Variants in EFEMP1 observed in about 807,000 individuals in gnomAD.
EFEMP1 encodes EGF-containing fibulin-like extracellular matrix protein 1.
EFEMP1 carries 18 observed loss-of-function variants against 65.7 expected under a neutral mutation model. The observed-to-expected ratio is 0.27, with a 90% confidence interval of 0.19 to 0.41. The LOEUF (loss-of-function observed/expected upper bound fraction) is 0.41, where lower values mean the gene tolerates loss of function less well. Ranked by LOEUF, EFEMP1 falls within the 10% of genes least tolerant of loss-of-function variation. EFEMP1 has a pLI of 1.00. For missense variants in EFEMP1, 469 were observed against 624.8 expected, an observed-to-expected ratio of 0.75 and a Z score of 2.66; for synonymous variants, 237 against 219.7, an observed-to-expected ratio of 1.08 and a Z score of -0.70.
intron 5 of EFEMP1, among the ~76,000 whole-genome samples, chr2:55,890,329 T>TA (rs1216223898): frequency 2.0e-5 from 3 of 151,726 alleles, no homozygotes; most frequent in Middle Eastern, 7.0e-3. Context: ...TATAGACAAA[T>TA]AAAAAAATGA....
intron 5 of EFEMP1, among the ~76,000 whole-genome samples, chr2:55,903,825 A>G (rs1670135107): frequency 6.6e-6 from 1 of 152,132 alleles, no homozygotes; most frequent in Non-Finnish European, 1.5e-5. Context: ...ATGAGTGGAC[A>G]GTTGGTAATT....
intron 5 of EFEMP1, among the ~76,000 whole-genome samples, chr2:55,909,039 A>G (rs945968362): frequency 5.9e-5 from 9 of 152,176 alleles, no homozygotes; most frequent in African/African-American, 2.2e-4. Flanking sequence ...TAAGCTTAAA[A>G]CGGGGACAAG....
chr2:55,867,255 G>A lies in EFEMP1; in HGVS notation c.1321-21C>T. 1 of 1,611,530 alleles carries A rather than the reference G, an allele frequency of 6.2e-7. No individual in the cohort carries two copies. The highest frequency in any genetic ancestry group is 8.5e-7 in the Non-Finnish European group (1 of 1,178,700). On this transcript the variant is annotated intron_variant, in intron 11 of 11. Coordinates refer to ENST00000355426, the MANE Select transcript of EFEMP1 (RefSeq NM_001039348.3). The surrounding 1 kb of genome is among the most constrained non-coding windows in gnomAD (Gnocchi z 4.3). ...GTTTGCTAAAATAAAAGAAAATAGAGAAAGGAAGAGAATAATTTTCTTGGA... is the reference window on the plus strand; with the variant it reads ...GTTTGCTAAAATAAAAGAAAATAGAAAAAGGAAGAGAATAATTTTCTTGGA...
intron 8 of EFEMP1, among the ~76,000 whole-genome samples, chr2:55,875,834 G>T (rs1360928493): frequency 6.6e-6 from 1 of 151,924 alleles, no homozygotes; most frequent in African/African-American, 2.4e-5. Flanking sequence ...GAATAGTGAT[G>T]TCCCTACAGT....
At position 55,885,573 on chromosome 2, in the gene EFEMP1, A is replaced by G. The variant is rs1669393325; in HGVS notation, c.518-3839T>C. On this transcript the variant is annotated intron_variant, in intron 5 of 11. Transcript: ENST00000355426. This position sits in a 1 kb window ranked among gnomAD's most constrained non-coding sequence, Gnocchi z 4.3. Reference sequence around the variant, plus strand: ...AATACATTAACAATAGCTAATGGCAATATTTGGTGATTCCCTCATTTTTCA... The same window carrying G: ...AATACATTAACAATAGCTAATGGCAGTATTTGGTGATTCCCTCATTTTTCA... 6.6e-6 allele frequency among the ~76,000 whole-genome samples: 1 copy of G among 152,190 alleles called. No homozygotes were observed. Among genetic ancestry groups the G allele is most frequent in the East Asian group, 1.9e-4 (1 of 5,202 alleles).
intron 5 of EFEMP1, among the ~76,000 whole-genome samples, chr2:55,889,460 T>C (rs72924526): frequency 0.069 from 10,557 of 152,242 alleles, 797 homozygotes; most frequent in African/African-American, 0.18. Context: ...ATCTTACTTA[T>C]GATCTTTCTG....
At position 55,886,902 on chromosome 2, in the gene EFEMP1, G is replaced by A. The variant is rs980965404; in HGVS notation, c.518-5168C>T. On this transcript the variant is annotated intron_variant, in intron 5 of 11. Coordinates refer to ENST00000355426, the MANE Select transcript of EFEMP1 (RefSeq NM_001039348.3). This position sits in a 1 kb window ranked among gnomAD's most constrained non-coding sequence, Gnocchi z 4.0. The stretch of plus-strand genomic sequence containing the variant: ...TATTTGCTATTGATAATGATAACCT[G>A]AGTAATTAATATAATAAATTATGTA... 1.3e-5 allele frequency among the ~76,000 whole-genome samples: 2 copies of A among 151,942 alleles called. No homozygotes were observed. The highest frequency in any genetic ancestry group is 2.4e-5 in the African/African-American group (1 of 41,350).
At position 55,877,992 on chromosome 2, in the gene EFEMP1, A is replaced by T; in HGVS notation, c.641-127T>A. 1 of 1,181,862 alleles carries T rather than the reference A, an allele frequency of 8.5e-7. No individual in the cohort carries two copies. Among genetic ancestry groups the T allele is most frequent in the Non-Finnish European group, 1.2e-6 (1 of 840,374 alleles). The allele number at this position is 1,181,862 out of a possible 1,614,324, so 73.2% of individuals were successfully genotyped here. A position where few individuals can be genotyped will look rare whatever the true frequency, so the allele number is the denominator to read the frequency against. ...AAGTAATAATTTCCTATTTTGTTAA[A>T]ATTAGGGTATATGTATTTTAAATAT... On this transcript the variant is annotated intron_variant, in intron 6 of 11. Transcript: ENST00000355426. This position sits in a 1 kb window ranked among gnomAD's most constrained non-coding sequence, Gnocchi z 4.5.
At chr2:55,902,628 A>G (rs551021873) in intron 5 of EFEMP1, among the ~76,000 whole-genome samples, 2 of 152,348 alleles carry the variant, frequency 1.3e-5, no homozygotes, top group East Asian at 3.9e-4. Flanking sequence ...TAGCTTTTAA[A>G]GCTTCAGTGA....
At chr2:55,890,296 T>G (rs1298080082) in intron 5 of EFEMP1, among the ~76,000 whole-genome samples, 1 of 152,006 alleles carries the variant, frequency 6.6e-6, no homozygotes, top group Admixed American at 6.5e-5. Context: ...TAAATTTAAA[T>G]GCACTTAATC....
At chr2:55,888,586 C>A (rs1245953405) in intron 5 of EFEMP1, among the ~76,000 whole-genome samples, 3 of 152,090 alleles carry the variant, frequency 2.0e-5, no homozygotes, top group African/African-American at 7.2e-5. Flanking sequence ...ATTCACCCAC[C>A]TTGGCCTCCC....
intron 5 of EFEMP1, among the ~76,000 whole-genome samples, chr2:55,904,978 T>TC (rs767018548): frequency 2.8e-5 from 1 of 35,194 alleles, no homozygotes; most frequent in African/African-American, 2.3e-4. Flanking sequence ...TTTTTTTTTT[T>TC]CTTTTTCTTT....
At chr2:55,868,792 A>C (rs531829081) in intron 11 of EFEMP1, among the ~76,000 whole-genome samples, 1 of 152,232 alleles carries the variant, frequency 6.6e-6, no homozygotes, top group East Asian at 1.9e-4. Context: ...TTAATTCCTC[A>C]TGACACCTAG....
intron 5 of EFEMP1, among the ~76,000 whole-genome samples, chr2:55,889,824 T>A (rs1346063747): frequency 7.0e-6 from 1 of 142,358 alleles, no homozygotes; most frequent in African/African-American, 2.5e-5. Flanking sequence ...AAAGGAATGG[T>A]AAAAAAAAAA....
chr2:55,880,033 T>C (rs1204614758), intron 6 of EFEMP1, among the ~76,000 whole-genome samples: 1 of 152,100 alleles, frequency 6.6e-6, no homozygotes, highest in Non-Finnish European at 1.5e-5. Context: ...AGGGAATGTT[T>C]TTGTTGTGTA....
rs1669377423 is a variant in EFEMP1, at chr2:55,885,086, A to G, written c.518-3352T>C. Reference sequence around the variant, plus strand: ...ACAGCAAAATCAGTAAGATGTTAGTAAAAGAAAAATGATGTTGAGCAAGTG... The same window carrying G: ...ACAGCAAAATCAGTAAGATGTTAGTGAAAGAAAAATGATGTTGAGCAAGTG... On this transcript the variant is annotated intron_variant, in intron 5 of 11. Transcript: ENST00000355426. This position sits in a 1 kb window ranked among gnomAD's most constrained non-coding sequence, Gnocchi z 4.3. Among the ~76,000 whole-genome samples, 1 of 152,230 alleles carries G rather than the reference A, an allele frequency of 6.6e-6. No homozygotes were observed. Among genetic ancestry groups the G allele is most frequent in the Non-Finnish European group, 1.5e-5 (1 of 68,042 alleles).
rs1382211519 is a variant in EFEMP1 at position 55,867,079 on chromosome 2, T to C, written c.1476A>G (p.Ser492=). Residue 492 remains serine (S), a synonymous_variant, in exon 12 of 12, where the codon TCA becomes TCG. Coordinates refer to ENST00000355426, the MANE Select transcript of EFEMP1 (RefSeq NM_001039348.3). This position sits in a 1 kb window ranked among gnomAD's most constrained non-coding sequence, Gnocchi z 4.3. ...GGTTGACTCTTAGAAAAGACTAAAATGAAAATGGCCCCACTATTATTGTCA... is the reference window on the plus strand; with the variant it reads ...GGTTGACTCTTAGAAAAGACTAAAACGAAAATGGCCCCACTATTATTGTCA... ...LRLTIIVGPF[S]F The C allele has an allele frequency of 1.9e-6, 3 of 1,612,632 alleles. No homozygotes were observed. The highest frequency in any genetic ancestry group is 2.2e-5 in the East Asian group (1 of 44,868).
chr2:55,915,876 C>G (rs1199883897), intron 5 of EFEMP1, among the ~76,000 whole-genome samples: 1 of 151,988 alleles, frequency 6.6e-6, no homozygotes, highest in South Asian at 2.1e-4. Flanking sequence ...ATCATTTTAT[C>G]TCCTTGACAT....
rs185314949 is a variant in EFEMP1 at position 55,867,402 on chromosome 2, C to G, written c.1321-168G>C. ...TTTCAACTCTTCTTGGCTCTTATCC[C>G]TTGTCTAATACAGTCATTAGCTCCA... On this transcript the variant is annotated intron_variant, in intron 11 of 11. Coordinates refer to ENST00000355426, the MANE Select transcript of EFEMP1 (RefSeq NM_001039348.3). This position sits in a 1 kb window ranked among gnomAD's most constrained non-coding sequence, Gnocchi z 4.3. Among the ~76,000 whole-genome samples the G allele has an allele frequency of 6.6e-6, 1 of 150,794 alleles. No individual in the cohort carries two copies. The highest frequency in any genetic ancestry group is 1.5e-5 in the Non-Finnish European group (1 of 67,846).
Sources: allele counts gnomAD v4.1 joint callset (sites outside exome capture counted in the v4.1 genomes callset), GRCh38; gene constraint gnomAD v4.1.1; non-coding constraint Gnocchi (gnomAD v3.1); transcripts MANE v1.5; gene names NCBI Gene and HGNC (gene_info 2026-07-23, HGNC 2026-07-21).